Variants in TP63 observed in about 807,000 individuals in gnomAD.
The protein encoded by TP63 is tumor protein 63.
Under a neutral mutation model 82.8 loss-of-function variants are expected in TP63, and 17 were observed. That is an observed-to-expected ratio of 0.21 (90% CI 0.14 to 0.31). The LOEUF is 0.31. TP63 is among the 10% of genes least tolerant of loss of function. The pLI is 1.00. For synonymous variants in TP63, 330 were observed against 321.7 expected, an observed-to-expected ratio of 1.03 and a Z score of -0.28; for missense variants, 648 against 895.3, an observed-to-expected ratio of 0.72 and a Z score of 3.52.
intron 3 of TP63, among the ~76,000 whole-genome samples, chr3:189,778,723 C>G (rs901779322): frequency 6.6e-6 from 1 of 152,122 alleles, no homozygotes; most frequent in Non-Finnish European, 1.5e-5. Flanking sequence ...TATCAGTTCC[C>G]TTTTTTGTCC....
chr3:189,843,211 A>G (rs888927451), intron 4 of TP63, among the ~76,000 whole-genome samples: 1 of 152,140 alleles, frequency 6.6e-6, no homozygotes, highest in African/African-American at 2.4e-5. Context: ...CCCAGGACAC[A>G]TTACTCCCTG....
chr3:189,623,261 G>A, the TP63 span, among the ~76,000 whole-genome samples: 1 of 152,134 alleles, frequency 6.6e-6, no homozygotes, highest in Admixed American at 6.5e-5. Context: ...GTGAATCTAT[G>A]TCTGAAAGAG....
the TP63 span, among the ~76,000 whole-genome samples, chr3:189,599,988 G>A: frequency 0.013 from 1,904 of 152,104 alleles, 43 homozygotes; most frequent in African/African-American, 0.044. Context: ...ATAAATTTTT[G>A]TATTTCAAAA....
At chr3:189,880,116 C>T (rs754881119) in intron 10 of TP63, 2 of 1,613,862 alleles carry the variant, frequency 1.2e-6, no homozygotes, top group South Asian at 1.1e-5. Flanking sequence ...GAGAGAAACT[C>T]CAAAACAATC....
At chr3:189,769,766 G>A (rs966785427) in intron 3 of TP63, among the ~76,000 whole-genome samples, 1 of 152,126 alleles carries the variant, frequency 6.6e-6, no homozygotes, top group African/African-American at 2.4e-5. Context: ...CCTTGTCACT[G>A]ACCTTCAATG....
intron 1 of TP63, among the ~76,000 whole-genome samples, chr3:189,658,935 T>C (rs965335981): frequency 6.6e-6 from 1 of 152,048 alleles, no homozygotes; most frequent in Admixed American, 6.6e-5. Context: ...CAAACGTACA[T>C]ACTAATATAT....
In TP63 at chr3:189,888,242, A is replaced by G. The variant is rs138859986; in HGVS notation, c.1508-1098A>G. On this transcript the variant is annotated intron_variant, in intron 11 of 13. Transcript: ENST00000264731. ...CAAACGTAGACTTTAGAGTGAGATC[A>G]CTCTCTCACTAATGATAAACTCATC... Among the ~76,000 whole-genome samples the G allele has an allele frequency of 2.8e-4, 43 of 152,162 alleles. 1 individual carries two copies. The East Asian group carries it at 7.8e-3, about 27-fold the overall frequency.
In TP63 at chr3:189,896,987, C is replaced by G; in HGVS notation, c.*2485C>G. ...TTAAATCCTTTTACCTTTTTTTTTT[C>G]TTGGTAATCCCCTAAAATAACAGTA... is the stretch of plus-strand genomic sequence containing the variant. On this transcript the variant is annotated 3_prime_UTR_variant, in exon 14 of 14. Transcript: ENST00000264731. The G allele has an allele frequency of 1.4e-5, 3 of 220,798 alleles. No homozygotes were observed. The highest frequency in any genetic ancestry group is 2.7e-5 in the Non-Finnish European group (3 of 111,172). 13.7% of individuals were successfully genotyped at this position (220,798 alleles called of 1,614,324 possible).
At chr3:189,815,085 C>G (rs1728025951) in intron 4 of TP63, among the ~76,000 whole-genome samples, 1 of 152,156 alleles carries the variant, frequency 6.6e-6, no homozygotes. Context: ...TCTTCTCCCC[C>G]TTCTTTCTAC....
At chr3:189,696,100 G>A (rs571496039) in intron 1 of TP63, among the ~76,000 whole-genome samples, 1 of 151,970 alleles carries the variant, frequency 6.6e-6, no homozygotes, top group Non-Finnish European at 1.5e-5. Context: ...GTGCTATAAA[G>A]TTCTATGGGT....
At chr3:189,821,811 C>T (rs74951309) in intron 4 of TP63, among the ~76,000 whole-genome samples, 3,149 of 152,226 alleles carry the variant, frequency 0.021, 119 homozygotes, top group African/African-American at 0.072. Context: ...AAAATGTCCC[C>T]TTAACTGCTA....
chr3:189,787,484 G>T lies in TP63; in HGVS notation c.325-20788G>T, dbSNP rs117986556. Among the ~76,000 whole-genome samples the T allele has an allele frequency of 2.7e-4, 41 of 152,172 alleles. 1 individual carries two copies. The East Asian group carries it at 6.8e-3, about 25-fold the overall frequency. Reference sequence around the variant, plus strand: ...TACTCAAAGTTCTCAAGTAGCCATAGTGGATATATTGTCTTAGATTTTGTC... The same window carrying T: ...TACTCAAAGTTCTCAAGTAGCCATATTGGATATATTGTCTTAGATTTTGTC... On this transcript the variant is annotated intron_variant, in intron 3 of 13. Coordinates refer to ENST00000264731, the MANE Select transcript of TP63 (RefSeq NM_003722.5).
intron 10 of TP63, among the ~76,000 whole-genome samples, chr3:189,879,585 A>G (rs928902922): frequency 6.6e-6 from 1 of 152,212 alleles, no homozygotes; most frequent in Non-Finnish European, 1.5e-5. Flanking sequence ...ATGAGGGATA[A>G]TAATTGACCA....
intron 10 of TP63, among the ~76,000 whole-genome samples, chr3:189,881,944 T>C (rs562641305): frequency 3.3e-5 from 5 of 151,984 alleles, no homozygotes; most frequent in South Asian, 2.1e-4. Context: ...TGGAACCTAT[T>C]GTCCAATTTT....
the TP63 span, among the ~76,000 whole-genome samples, chr3:189,596,753 C>T: frequency 6.6e-5 from 10 of 152,188 alleles, no homozygotes; most frequent in African/African-American, 1.9e-4. Flanking sequence ...AGTGGCAACC[C>T]GCTGGGGTCA....
At chr3:189,657,765 G>A (rs1713513798) in intron 1 of TP63, among the ~76,000 whole-genome samples, 1 of 152,024 alleles carries the variant, frequency 6.6e-6, no homozygotes, top group Non-Finnish European at 1.5e-5. Flanking sequence ...ATTAGATATG[G>A]ATGGTTATAT....
At chr3:189,828,214 C>T (rs1711728170) in intron 4 of TP63, among the ~76,000 whole-genome samples, 1 of 150,194 alleles carries the variant, frequency 6.7e-6, no homozygotes. Context: ...GTGCTCCAGC[C>T]TGGGCAACAG....
In TP63 at chr3:189,894,986, T is replaced by TA; in HGVS notation, c.*486dup. The TA allele has an allele frequency of 4.5e-6, 1 of 220,906 alleles. No individual in the cohort carries two copies. The highest frequency in any genetic ancestry group is 6.9e-5 in the East Asian group (1 of 14,570). The allele number at this position is 220,906 out of a possible 1,614,324, so 13.7% of individuals were successfully genotyped here. On this transcript the variant is annotated 3_prime_UTR_variant, in exon 14 of 14. Coordinates refer to ENST00000264731, the MANE Select transcript of TP63 (RefSeq NM_003722.5). Reference sequence around the variant, plus strand: ...GATGGCTTGTCTATACTCCTTCCCTTAAGGGGTATCATGTATGGTGATAGG... The same window carrying TA: ...GATGGCTTGTCTATACTCCTTCCCTTAAAGGGGTATCATGTATGGTGATAGG...
intron 3 of TP63, among the ~76,000 whole-genome samples, chr3:189,794,918 A>G (rs996508121): frequency 3.9e-5 from 6 of 152,068 alleles, no homozygotes. Context: ...AAAGTCTCAT[A>G]CAACCTGTGT....
Sources: gnomAD v4.1 joint callset for allele counts (sites outside exome capture counted in the v4.1 genomes callset) on GRCh38, gnomAD v4.1.1 for gene constraint, MANE v1.5 for transcripts, NCBI Gene and HGNC (gene_info 2026-07-23, HGNC 2026-07-21) for gene names.